The following ACTA2 variants were observed in gnomAD, a reference collection of about 807,000 sequenced individuals.
ACTA2 encodes the protein actin alpha 2, smooth muscle, also known as actin, aortic smooth muscle.
ACTA2 carries 12 observed loss-of-function variants against 39.5 expected under a neutral mutation model. The ratio of observed to expected loss-of-function variants is 0.30; its 90% CI spans 0.19 to 0.49. The LOEUF is 0.49. Ranked by LOEUF, ACTA2 falls within the 20% of genes least tolerant of loss-of-function variation. The pLI is 0.99. For missense variants in ACTA2, 236 were observed against 498.8 expected, an observed-to-expected ratio of 0.47 and a Z score of 5.02; for synonymous variants, 158 against 180.6, an observed-to-expected ratio of 0.88 and a Z score of 1.00.
intron 1 of ACTA2, among the ~76,000 whole-genome samples, chr10:88,977,559 A>T (rs953719043): frequency 3.3e-5 from 5 of 152,200 alleles, no homozygotes; most frequent in African/African-American, 1.2e-4. Flanking sequence ...CAAGAAAAAA[A>T]CAAACAGCCC....
At chr10:88,942,038 A>G (rs1330576888) in intron 4 of ACTA2, among the ~76,000 whole-genome samples, 169 bp from the exon 5 acceptor site, 1 of 152,142 alleles carries the variant, frequency 6.6e-6, no homozygotes, top group Admixed American at 6.5e-5. Context: ...AGGAGAAATG[A>G]AGGTGTGAAT....
rs772473154 is a variant in ACTA2 at position 88,941,292 on chromosome 10, G to A, written c.553C>T (p.Arg185Ter). 2 of 1,612,438 alleles carry A rather than the reference G, an allele frequency of 1.2e-6. No individual in the cohort carries two copies. Among genetic ancestry groups the A allele is most frequent in the East Asian group, 2.2e-5 (1 of 44,784 alleles). Residue 185 changes from arginine to a stop codon, truncating the protein, a stop_gained, in exon 6 of 9, where the codon CGA (arginine) becomes TGA (stop). Coordinates refer to ENST00000224784, the MANE Select transcript of ACTA2 (RefSeq NM_001613.4). LOFTEE classifies it high-confidence loss of function. Reference sequence around the variant, plus strand: ...TTCATGAGGTAGTCAGTGAGATCTCGGCCAGCCAGATCCAGACGCATGATG... The same window carrying A: ...TTCATGAGGTAGTCAGTGAGATCTCAGCCAGCCAGATCCAGACGCATGATG... ...HAIMRLDLAG[R>*]DLTDYLMKIL...
chr10:88,963,472 A>T (rs1393802190), intron 1 of ACTA2, among the ~76,000 whole-genome samples: 2 of 151,984 alleles, frequency 1.3e-5, no homozygotes, highest in African/African-American at 4.8e-5. Flanking sequence ...GAGAATTTTA[A>T]ATTTTTTACA....
At position 88,946,988 on chromosome 10, in the gene ACTA2, G is replaced by A. The variant is rs12415470; in HGVS notation, c.258+270C>T. 0.24 allele frequency: 73,885 copies of A among 304,462 alleles called. 10,711 individuals carry two copies. Among genetic ancestry groups the A allele is most frequent in the East Asian group, 0.46 (5,451 of 11,958 alleles). 18.9% of individuals were successfully genotyped at this position (304,462 alleles called of 1,614,324 possible). ...TTCCCACCTATGAGTGAGAACATGC[G>A]GTGTTTGGTTTTTTGTCCTTGCGAC... On this transcript the variant is annotated intron_variant, in intron 3 of 8. Transcript: ENST00000224784.
upstream of ACTA2, among the ~76,000 whole-genome samples, chr10:88,955,037 G>A (rs72809345): frequency 0.091 from 12,502 of 136,814 alleles, 817 homozygotes; most frequent in Non-Finnish European, 0.14. Flanking sequence ...AAAAAAAGAA[G>A]AAGAAGGAAA....
chr10:88,954,479 A>G (rs1004009587), upstream of ACTA2, among the ~76,000 whole-genome samples: 5 of 152,174 alleles, frequency 3.3e-5, no homozygotes, highest in South Asian at 6.2e-4. Flanking sequence ...CAAAATTTCC[A>G]TATTTTCTTG....
intron 3 of ACTA2, among the ~76,000 whole-genome samples, chr10:88,946,053 C>A (rs1475526605): frequency 6.6e-6 from 1 of 152,182 alleles, no homozygotes; most frequent in East Asian, 1.9e-4. Context: ...ATCTACAGAA[C>A]TATCATCCTT....
At chr10:88,962,233 G>C (rs1846236874) in intron 1 of ACTA2, among the ~76,000 whole-genome samples, 1 of 152,142 alleles carries the variant, frequency 6.6e-6, no homozygotes, top group South Asian at 2.1e-4. Flanking sequence ...CATTTAAAAT[G>C]ATGGCAATTA....
intron 1 of ACTA2, among the ~76,000 whole-genome samples, chr10:88,960,833 C>T (rs1007390916): frequency 1.3e-5 from 2 of 152,190 alleles, no homozygotes; most frequent in Non-Finnish European, 2.9e-5. Context: ...ACAAAGCTAT[C>T]TTACCAAGGG....
intron 1 of ACTA2, among the ~76,000 whole-genome samples, chr10:88,988,454 T>A (rs1278334035): frequency 1.4e-5 from 2 of 146,688 alleles, no homozygotes; most frequent in East Asian, 4.2e-4. Flanking sequence ...ATCTTAACTC[T>A]TCCTGTTTTT....
chr10:88,962,925 A>G (rs1395819383), intron 1 of ACTA2, among the ~76,000 whole-genome samples: 2 of 3,152 alleles, frequency 6.3e-4, no homozygotes, highest in East Asian at 9.4e-3. Flanking sequence ...ATATATATAT[A>G]TATATATATA....
chr10:88,983,102 T>C (rs553075984), intron 1 of ACTA2, among the ~76,000 whole-genome samples: 1 of 152,150 alleles, frequency 6.6e-6, no homozygotes, highest in Non-Finnish European at 1.5e-5. Context: ...CATATTGAGG[T>C]TTGAAATGCA....
At chr10:88,946,401 T>A (rs190503112) in intron 3 of ACTA2, among the ~76,000 whole-genome samples, 1 of 151,570 alleles carries the variant, frequency 6.6e-6, no homozygotes, top group Non-Finnish European at 1.5e-5. Context: ...CCTGCAGGAT[T>A]TTTTTCTTCT....
At position 88,984,329 on chromosome 10, in the gene ACTA2, C is replaced by T. The variant is rs149077192; in HGVS notation, c.-24+6610G>A. Among the ~76,000 whole-genome samples, 18 of 152,204 alleles carry T rather than the reference C, an allele frequency of 1.2e-4. No homozygotes were observed. The East Asian group carries it at 3.5e-3, about 29-fold the overall frequency. On this transcript the variant is annotated intron_variant, in intron 1 of 4. Coordinates refer to the ACTA2 transcript ENST00000415557. Reference sequence around the variant, plus strand: ...AGAGTCTAAAGTGGGAGGTGTTGATCTTATGGTCCCAGAGGTCTCTCCCAT... The same window carrying T: ...AGAGTCTAAAGTGGGAGGTGTTGATTTTATGGTCCCAGAGGTCTCTCCCAT...
At chr10:88,947,464 A>C in intron 2 of ACTA2, 78 bp from the exon 3 acceptor site, 1 of 1,592,570 alleles carries the variant, frequency 6.3e-7, no homozygotes, top group Non-Finnish European at 8.6e-7. Flanking sequence ...CAAAAGGTTA[A>C]GTCATTGAGA....
chr10:88,962,428 G>A lies in ACTA2; in HGVS notation c.-23-13475C>T, dbSNP rs181308073. Reference sequence around the variant, plus strand: ...AAACAAAAGTATGAAATGTCATCAAGGATTAGTGGTTTAAAAAAAGAGGAG... The same window carrying A: ...AAACAAAAGTATGAAATGTCATCAAAGATTAGTGGTTTAAAAAAAGAGGAG... On this transcript the variant is annotated intron_variant, in intron 1 of 4. Transcript: ENST00000415557. 1.0e-2 allele frequency among the ~76,000 whole-genome samples: 1,519 copies of A among 152,086 alleles called. 16 individuals carry two copies. The highest frequency in any genetic ancestry group is 0.013 in the Admixed American group (200 of 15,248).
chr10:88,938,623 C>T (rs985242629), intron 7 of ACTA2: 6 of 224,908 alleles, frequency 2.7e-5, no homozygotes, highest in East Asian at 1.1e-4. Flanking sequence ...TTAACAGCTA[C>T]GTTGCATCTG....
At chr10:88,952,285 C>T (rs1846064127) in intron 1 of ACTA2, among the ~76,000 whole-genome samples, 1 of 152,184 alleles carries the variant, frequency 6.6e-6, no homozygotes, top group African/African-American at 2.4e-5. Flanking sequence ...TTCCAAAATC[C>T]ACTTCCAGAC....
chr10:88,936,442 G>C (rs1034786718), intron 8 of ACTA2, among the ~76,000 whole-genome samples: 1 of 152,202 alleles, frequency 6.6e-6, no homozygotes, highest in African/African-American at 2.4e-5. Context: ...CCTGGTAGGA[G>C]GTGTTTGGAT....
Sources: allele counts gnomAD v4.1 joint callset (sites outside exome capture counted in the v4.1 genomes callset), GRCh38; gene constraint gnomAD v4.1.1; transcripts MANE v1.5; gene names NCBI Gene and HGNC (gene_info 2026-07-23, HGNC 2026-07-21).